Variants in ST8SIA4 observed in about 807,000 individuals in gnomAD.
ST8SIA4 encodes CMP-N-acetylneuraminate-poly-alpha-2,8-sialyltransferase.
A neutral mutation model predicts 33.9 loss-of-function variants in ST8SIA4; 15 were observed. That is an observed-to-expected ratio of 0.44 (90% CI 0.30 to 0.68). ST8SIA4 has a LOEUF of 0.68. ST8SIA4 is among the 30% of genes least tolerant of loss of function. The pLI, the probability that ST8SIA4 is intolerant of heterozygous loss-of-function variation, is 0.10. For missense variants in ST8SIA4, 321 were observed against 428.0 expected (o/e 0.75, Z 2.21); for synonymous variants, 171 against 151.2 (o/e 1.13, Z -0.96).
chr5:100,881,988 A>C (rs1752436085), intron 3 of ST8SIA4, among the ~76,000 whole-genome samples: 1 of 152,178 alleles, frequency 6.6e-6, no homozygotes. Flanking sequence ...GCTGAATACA[A>C]ACTAATACAG....
chr5:100,886,175 T>C (rs1752531804), intron 3 of ST8SIA4, 168 bp downstream of exon 3: 4 of 1,411,140 alleles, frequency 2.8e-6, no homozygotes, highest in South Asian at 3.2e-5. Context: ...ATAATTATAA[T>C]ATTCTATTCC....
At chr5:100,847,535 TGAGTGCAGCAACTAA>T (rs1751594814) in intron 4 of ST8SIA4, among the ~76,000 whole-genome samples, 1 of 152,098 alleles carries the variant, frequency 6.6e-6, no homozygotes, top group African/African-American at 2.4e-5. Context: ...ATCTGAAAGA[TGAGTGCAGCAACTAA>T]CATTTGAGAA....
intron 4 of ST8SIA4, among the ~76,000 whole-genome samples, chr5:100,844,284 A>C (rs1438975420): frequency 6.6e-6 from 1 of 151,982 alleles, no homozygotes; most frequent in Non-Finnish European, 1.5e-5. Context: ...ATTGAACAAT[A>C]TTTCCCACAT....
chr5:100,859,990 AATTTTTTAATTCTAC>A (rs1207185321), intron 3 of ST8SIA4, among the ~76,000 whole-genome samples: 23 of 152,250 alleles, frequency 1.5e-4, no homozygotes, highest in African/African-American at 5.1e-4. Flanking sequence ...TAATCTATCC[AATTTTTTAATTCTAC>A]ATTTTTTAAT....
intron 2 of ST8SIA4, among the ~76,000 whole-genome samples, chr5:100,892,449 GA>G (rs1249913879): frequency 6.6e-6 from 1 of 152,090 alleles, no homozygotes; most frequent in East Asian, 1.9e-4. Context: ...TGAAGTAACA[GA>G]ACCATCTCTC....
chr5:100,850,390 T>C (rs767369595), intron 4 of ST8SIA4, among the ~76,000 whole-genome samples: 21 of 151,606 alleles, frequency 1.4e-4, no homozygotes, highest in Non-Finnish European at 2.9e-4. Context: ...TATAATGTAG[T>C]GACAAAATGG....
intron 3 of ST8SIA4, among the ~76,000 whole-genome samples, chr5:100,872,817 G>A (rs535121546): frequency 6.7e-6 from 1 of 148,402 alleles, no homozygotes; most frequent in South Asian, 2.1e-4. Flanking sequence ...CTGTAATTTT[G>A]TACCTATTGA....
intron 4 of ST8SIA4, chr5:100,849,316 G>A: frequency 2.0e-6 from 2 of 985,358 alleles, no homozygotes; most frequent in Non-Finnish European, 2.4e-6. Context: ...AAACAGTCTT[G>A]TCTAAAGTCA....
At chr5:100,872,236 C>T (rs1372998908) in intron 3 of ST8SIA4, among the ~76,000 whole-genome samples, 1 of 151,832 alleles carries the variant, frequency 6.6e-6, no homozygotes, top group African/African-American at 2.4e-5. Flanking sequence ...CATAATAATC[C>T]TATATATTTA....
rs183204667 is a variant in ST8SIA4, at chr5:100,886,878, C to T, written c.246-278G>A. Among the ~76,000 whole-genome samples, 5 of 152,064 alleles carry T rather than the reference C, an allele frequency of 3.3e-5. No individual in the cohort carries two copies. The East Asian group carries it at 7.7e-4, about 24-fold the overall frequency. On this transcript the variant is annotated intron_variant, in intron 2 of 4. Coordinates refer to ENST00000231461, the MANE Select transcript of ST8SIA4 (RefSeq NM_005668.6). ...ATTTGTGGAGTTATAAAAAGCACTC[C>T]AATTATCAAAATATATAGAAAAATT...
intron 4 of ST8SIA4, among the ~76,000 whole-genome samples, chr5:100,835,511 G>A (rs1751348221): frequency 6.6e-6 from 1 of 152,076 alleles, no homozygotes; most frequent in South Asian, 2.1e-4. Flanking sequence ...ACTTCTTACA[G>A]TATTGCTATT....
At chr5:100,823,534 A>G (rs994815663) in intron 4 of ST8SIA4, among the ~76,000 whole-genome samples, 2 of 152,230 alleles carry the variant, frequency 1.3e-5, no homozygotes, top group African/African-American at 2.4e-5. Context: ...ACCTGCTCAT[A>G]TAACACTCAA....
intron 3 of ST8SIA4, among the ~76,000 whole-genome samples, chr5:100,865,856 A>AT (rs985075533): frequency 1.6e-4 from 24 of 152,010 alleles, no homozygotes; most frequent in African/African-American, 3.4e-4. Flanking sequence ...CCTTGCTTAG[A>AT]TTTTTTTTAT....
At position 100,867,937 on chromosome 5, in the gene ST8SIA4, C is replaced by A. The variant is rs375191402; in HGVS notation, c.504-11541G>T. Reference sequence around the variant, plus strand: ...CCAAGGCAATTTCACATTTATTACACCATACTTATTCTAAGGGGATCATTC... The same window carrying A: ...CCAAGGCAATTTCACATTTATTACAACATACTTATTCTAAGGGGATCATTC... On this transcript the variant is annotated intron_variant, in intron 3 of 4. Coordinates refer to ENST00000231461, the MANE Select transcript of ST8SIA4 (RefSeq NM_005668.6). Among the ~76,000 whole-genome samples the A allele has an allele frequency of 8.6e-5, 13 of 151,904 alleles. 1 individual carries two copies. Among genetic ancestry groups the A allele is most frequent in the East Asian group, 5.8e-4 (3 of 5,196 alleles).
rs186091853 is a variant in ST8SIA4, at chr5:100,837,535, A to G, written c.797+18568T>C. ...CCCAATTTACACAAGAATCTCCTTG[A>G]ACCATATGTTTATTCTGATGTGCTA... On this transcript the variant is annotated intron_variant, in intron 4 of 4. Coordinates refer to ENST00000231461, the MANE Select transcript of ST8SIA4 (RefSeq NM_005668.6). 2.6e-3 allele frequency among the ~76,000 whole-genome samples: 391 copies of G among 152,100 alleles called. 2 individuals carry two copies. The highest frequency in any genetic ancestry group is 8.9e-3 in the African/African-American group (369 of 41,520).
intron 4 of ST8SIA4, among the ~76,000 whole-genome samples, chr5:100,847,797 CT>C (rs1446287433): frequency 6.6e-6 from 1 of 151,996 alleles, no homozygotes; most frequent in Middle Eastern, 3.2e-3. Context: ...TTACATTTAG[CT>C]AGGAATTATG....
intron 4 of ST8SIA4, among the ~76,000 whole-genome samples, chr5:100,822,653 C>A (rs942163477): frequency 6.6e-6 from 1 of 152,122 alleles, no homozygotes; most frequent in Non-Finnish European, 1.5e-5. Context: ...AATCAGGTCA[C>A]AATACCTATG....
intron 3 of ST8SIA4, among the ~76,000 whole-genome samples, chr5:100,866,955 T>C (rs1421600377): frequency 6.6e-6 from 1 of 152,132 alleles, no homozygotes; most frequent in Non-Finnish European, 1.5e-5. Flanking sequence ...AATTTAAATA[T>C]GACATATTAA....
At chr5:100,887,899 G>A (rs939348235) in intron 2 of ST8SIA4, among the ~76,000 whole-genome samples, 1 of 152,028 alleles carries the variant, frequency 6.6e-6, no homozygotes, top group Admixed American at 6.6e-5. Context: ...AATCTAAACT[G>A]TGTGAGAGTC....
Sources: allele counts gnomAD v4.1 joint callset (sites outside exome capture counted in the v4.1 genomes callset), GRCh38; gene constraint gnomAD v4.1.1; transcripts MANE v1.5; gene names NCBI Gene and HGNC (gene_info 2026-07-23, HGNC 2026-07-21).